GLRA2: variants seen among roughly 807,000 people sequenced by gnomAD.
GLRA2 encodes the protein glycine receptor subunit alpha-2.
A neutral mutation model predicts 31.6 loss-of-function variants in GLRA2; 11 were observed. That is an observed-to-expected ratio of 0.35 (90% CI 0.22 to 0.58). The LOEUF (loss-of-function observed/expected upper bound fraction) is 0.58, where lower values mean the gene tolerates loss of function less well. Ranked by LOEUF, GLRA2 falls within the 20% of genes least tolerant of loss-of-function variation. The pLI is 0.84. For missense variants in GLRA2, 212 were observed against 351.8 expected (o/e 0.60, Z 3.18); for synonymous variants, 132 against 134.0 (o/e 0.99, Z 0.10).
the GLRA2 span, among the ~76,000 whole-genome samples, chrX:14,457,500 T>C: frequency 8.9e-6 from 1 of 111,746 alleles, no homozygotes; most frequent in Non-Finnish European, 1.9e-5. Flanking sequence ...GTTTCCAGCT[T>C]CATCCATGTC....
chrX:14,524,606 G>A (rs1246029411), upstream of GLRA2, among the ~76,000 whole-genome samples: 1 of 111,494 alleles, frequency 9.0e-6, no homozygotes, highest in Non-Finnish European at 1.9e-5. Flanking sequence ...CTGTACTTGA[G>A]GAGGACGTTT....
At chrX:14,681,891 C>CAAAAAAAAAAAAA in intron 7 of GLRA2, among the ~76,000 whole-genome samples, 1 of 26,687 alleles carries the variant, frequency 3.7e-5, no homozygotes, top group African/African-American at 1.1e-4. Context: ...GACACCATCT[C>CAAAAAAAAAAAAA]AAAAAAAAAA....
At chrX:14,507,852 C>T in the GLRA2 span, among the ~76,000 whole-genome samples, 1 of 107,714 alleles carries the variant, frequency 9.3e-6, no homozygotes. Context: ...TGCCACCACA[C>T]CCAGCTAATT....
chrX:14,541,080 T>C (rs1449404913), intron 2 of GLRA2, among the ~76,000 whole-genome samples: 1 of 111,990 alleles, frequency 8.9e-6, no homozygotes, highest in East Asian at 2.8e-4. Flanking sequence ...TATTTGCTAA[T>C]ATTAATGTGC....
chrX:14,729,425 A>C (rs751442685), intron 8 of GLRA2, among the ~76,000 whole-genome samples: 3 of 111,124 alleles, frequency 2.7e-5, no homozygotes, highest in Non-Finnish European at 3.8e-5. Flanking sequence ...ATTTTTCTCT[A>C]AGGCTATTTG....
chrX:14,620,462 C>T (rs1236315885), intron 7 of GLRA2, among the ~76,000 whole-genome samples: 1 of 110,473 alleles, frequency 9.1e-6, no homozygotes, highest in Non-Finnish European at 1.9e-5. Flanking sequence ...AAATTAGCAC[C>T]TTTTTCTTTA....
At chrX:14,614,938 T>G (rs1442965722) in intron 7 of GLRA2, among the ~76,000 whole-genome samples, 1 of 111,921 alleles carries the variant, frequency 8.9e-6, no homozygotes, top group East Asian at 2.8e-4. Flanking sequence ...GAATGTCTGG[T>G]TTTCTGTAAT....
At chrX:14,687,590 T>C (rs1339759451) in intron 7 of GLRA2, among the ~76,000 whole-genome samples, 1 of 112,329 alleles carries the variant, frequency 8.9e-6, no homozygotes, top group East Asian at 2.8e-4. Context: ...TTCCAGTTGA[T>C]CGAATCGGCT....
At chrX:14,515,652 A>G in the GLRA2 span, among the ~76,000 whole-genome samples, 3 of 111,833 alleles carry the variant, frequency 2.7e-5, no homozygotes, top group Non-Finnish European at 5.6e-5. Flanking sequence ...AAATAGTTAG[A>G]CTTCTAAATG....
chrX:14,534,954 A>G (rs1322768197), intron 2 of GLRA2, among the ~76,000 whole-genome samples: 3 of 111,458 alleles, frequency 2.7e-5, no homozygotes, highest in Non-Finnish European at 5.7e-5. Flanking sequence ...CAATGTACCA[A>G]TGAGGAATTT....
the GLRA2 span, among the ~76,000 whole-genome samples, chrX:14,479,576 C>T: frequency 9.0e-6 from 1 of 111,359 alleles, no homozygotes; most frequent in African/African-American, 3.3e-5. Context: ...TTGTTGCCAT[C>T]TTTATGTCCA....
chrX:14,727,959 T>C (rs1052784995), intron 8 of GLRA2, among the ~76,000 whole-genome samples: 2 of 112,376 alleles, frequency 1.8e-5, no homozygotes, highest in Non-Finnish European at 3.8e-5. Flanking sequence ...CAATTAATGG[T>C]TGAATTAAAA....
At chrX:14,589,715 CAT>C (rs755740894) in intron 4 of GLRA2, among the ~76,000 whole-genome samples, 1 of 34,407 alleles carries the variant, frequency 2.9e-5, no homozygotes, top group Non-Finnish European at 6.0e-5. Flanking sequence ...TATATACACA[CAT>C]ATATGTGTGT....
intron 7 of GLRA2, among the ~76,000 whole-genome samples, chrX:14,633,607 C>A: frequency 9.0e-6 from 1 of 111,610 alleles, no homozygotes. Context: ...TGTATTAGTC[C>A]ATTTTCACAC....
Position 14,647,041 on chromosome X carries a change from G to A in GLRA2, c.930+37836G>A, listed in dbSNP as rs561131300. 2.1e-4 allele frequency among the ~76,000 whole-genome samples: 23 copies of A among 111,622 alleles called. No homozygotes were observed. The South Asian group carries it at 4.5e-3, about 22-fold the overall frequency. Reference sequence around the variant, plus strand: ...ATATTAGCTGTACAGAGCCTGACACGGGGAAGCATGAACAGATGTTGGGCA... The same window carrying A: ...ATATTAGCTGTACAGAGCCTGACACAGGGAAGCATGAACAGATGTTGGGCA... On this transcript the variant is annotated intron_variant, in intron 7 of 8. Coordinates refer to ENST00000218075, the MANE Select transcript of GLRA2 (RefSeq NM_002063.4).
At chrX:14,591,810 A>C (rs887022336) in intron 4 of GLRA2, among the ~76,000 whole-genome samples, 1 of 111,921 alleles carries the variant, frequency 8.9e-6, no homozygotes, top group African/African-American at 3.2e-5. Flanking sequence ...CTTGTCCTTA[A>C]CTGTTTACGT....
At chrX:14,536,533 C>T (rs1695069621) in intron 2 of GLRA2, among the ~76,000 whole-genome samples, 1 of 112,183 alleles carries the variant, frequency 8.9e-6, no homozygotes, top group African/African-American at 3.2e-5. Flanking sequence ...CAGAAGCCTA[C>T]AGGCACCTGA....
chrX:14,469,076 C>G, the GLRA2 span, among the ~76,000 whole-genome samples: 4 of 111,616 alleles, frequency 3.6e-5, no homozygotes, highest in African/African-American at 1.3e-4. Flanking sequence ...CCCTTTGTCA[C>G]ATGAGTAGGT....
the GLRA2 span, among the ~76,000 whole-genome samples, chrX:14,484,310 A>G: frequency 2.9e-4 from 32 of 112,121 alleles, no homozygotes; most frequent in Middle Eastern, 4.6e-3. Flanking sequence ...TCTTCAAATT[A>G]CTTTAAAGCA....
Sources: allele counts gnomAD v4.1 joint callset (sites outside exome capture counted in the v4.1 genomes callset), GRCh38; gene constraint gnomAD v4.1.1; transcripts MANE v1.5; gene names NCBI Gene and HGNC (gene_info 2026-07-23, HGNC 2026-07-21).